Variants in FSTL5 observed in about 807,000 individuals in gnomAD.
The protein encoded by FSTL5 is follistatin-related protein 5.
FSTL5 carries 62 observed loss-of-function variants against 89.1 expected under a neutral mutation model. The observed-to-expected ratio is 0.70, with a 90% confidence interval of 0.57 to 0.86. The LOEUF (loss-of-function observed/expected upper bound fraction) is 0.86, where lower values mean the gene tolerates loss of function less well. Among genes scored for constraint, FSTL5 ranks in the 40% least tolerant of loss-of-function variants. FSTL5 has a pLI of 0.00. For missense variants in FSTL5, 1,057 were observed against 1,001.6 expected (o/e 1.06, Z -0.75); for synonymous variants, 383 against 346.2 (o/e 1.11, Z -1.18).
In FSTL5 at chr4:161,568,133, A is replaced by T. The variant is rs1052618546; in HGVS notation, c.1015+19322T>A. Among the ~76,000 whole-genome samples, 9 of 151,824 alleles carry T rather than the reference A, an allele frequency of 5.9e-5. No individual in the cohort carries two copies. The South Asian group carries it at 1.2e-3, about 21-fold the overall frequency. On this transcript the variant is annotated intron_variant, in intron 8 of 15. Transcript: ENST00000306100. The stretch of plus-strand genomic sequence containing the variant: ...GCAAATTTTGGAGTCCATATTTGCC[A>T]TATATCTCAACCACCTTCTCTAGGC...
rs145123722 is a variant in FSTL5, at chr4:161,574,604, C to A, written c.1015+12851G>T. Among the ~76,000 whole-genome samples the A allele has an allele frequency of 7.1e-3, 1,075 of 152,180 alleles. 5 individuals are homozygous for A. The highest frequency in any genetic ancestry group is 0.012 in the Non-Finnish European group (792 of 68,010). On this transcript the variant is annotated intron_variant, in intron 8 of 15. Transcript: ENST00000306100. ...TTCAACTCCCACTTATGAGTGAGAA[C>A]ATACGGTGTTTGGTTTTCTATTCCT...
intron 4 of FSTL5, among the ~76,000 whole-genome samples, chr4:161,900,655 AAAAGAAAGAAAG>A (rs1200601794): frequency 9.0e-6 from 1 of 110,972 alleles, no homozygotes; most frequent in African/African-American, 3.1e-5. Flanking sequence ...AAAAAAAAAA[AAAAGAAAGAAAG>A]AAAGAAAGAA....
chr4:161,589,272 C>T (rs1031484312), intron 7 of FSTL5, among the ~76,000 whole-genome samples: 35 of 152,104 alleles, frequency 2.3e-4, no homozygotes, highest in African/African-American at 8.4e-4. Flanking sequence ...TTCCTGGGTT[C>T]CAGTGATTCT....
intron 3 of FSTL5, among the ~76,000 whole-genome samples, chr4:161,940,262 A>T (rs951816760): frequency 6.6e-6 from 1 of 151,918 alleles, no homozygotes; most frequent in African/African-American, 2.4e-5. Context: ...ATTTAAAAAA[A>T]TTGACAAAAA....
chr4:162,031,667 G>GT (rs1191522569), intron 3 of FSTL5, among the ~76,000 whole-genome samples: 1 of 152,148 alleles, frequency 6.6e-6, no homozygotes, highest in Non-Finnish European at 1.5e-5. Flanking sequence ...GCCGGGCGCG[G>GT]TGGCTCAAGC....
chr4:161,649,201 A>G (rs2126676217), intron 7 of FSTL5, among the ~76,000 whole-genome samples: 1 of 152,328 alleles, frequency 6.6e-6, no homozygotes, highest in South Asian at 2.1e-4. Context: ...GAGAAAGATA[A>G]TTCAAGATCT....
At position 161,763,029 on chromosome 4, in the gene FSTL5, C is replaced by T. The variant is rs1243029367; in HGVS notation, c.607-3498G>A. Among the ~76,000 whole-genome samples the T allele has an allele frequency of 2.6e-5, 4 of 152,294 alleles. No homozygotes were observed. The South Asian group carries it at 8.3e-4, about 32-fold the overall frequency. On this transcript the variant is annotated intron_variant, in intron 5 of 15. Coordinates refer to ENST00000306100, the MANE Select transcript of FSTL5 (RefSeq NM_020116.5). ...TCAGGAATGACTCACTGTCTTGGTA[C>T]TGTATTCTCTTTTGTTCCAAAACAA...
intron 11 of FSTL5, among the ~76,000 whole-genome samples, chr4:161,501,470 T>G (rs1056028296): frequency 4.6e-5 from 7 of 152,056 alleles, no homozygotes; most frequent in African/African-American, 7.2e-5. Context: ...ACTAAACTAT[T>G]ACTTTATTCA....
chr4:161,589,390 C>A (rs1002205515), intron 7 of FSTL5, among the ~76,000 whole-genome samples: 2 of 152,064 alleles, frequency 1.3e-5, no homozygotes, highest in African/African-American at 4.8e-5. Context: ...ACCATGTTCG[C>A]CAGGCTGGTC....
intron 4 of FSTL5, among the ~76,000 whole-genome samples, chr4:161,917,538 T>C (rs185252398): frequency 2.0e-4 from 31 of 152,302 alleles, no homozygotes; most frequent in Admixed American, 1.6e-3. Context: ...TTGACTTTAA[T>C]ACTATCCCTG....
At chr4:161,847,795 G>C (rs1731415852) in intron 4 of FSTL5, among the ~76,000 whole-genome samples, 1 of 151,910 alleles carries the variant, frequency 6.6e-6, no homozygotes, top group African/African-American at 2.4e-5. Context: ...CGAGGACTTT[G>C]GGAGGCCAGG....
chr4:161,778,488 C>T (rs1434625), intron 4 of FSTL5, among the ~76,000 whole-genome samples: 111,580 of 152,058 alleles, frequency 0.73, 40,998 homozygotes, highest in Non-Finnish European at 0.76. Flanking sequence ...AAAACAATAT[C>T]TGAATCTCAT....
intron 6 of FSTL5, among the ~76,000 whole-genome samples, chr4:161,667,912 A>T (rs1460240368): frequency 1.3e-5 from 2 of 152,102 alleles, no homozygotes; most frequent in Non-Finnish European, 2.9e-5. Flanking sequence ...CATTGAATAC[A>T]TATATTAACA....
chr4:161,688,365 G>A lies in FSTL5; in HGVS notation c.728-31871C>T, dbSNP rs1737813046. On this transcript the variant is annotated intron_variant, in intron 6 of 15. Transcript: ENST00000306100. ...TTCAAAGTGCTGGTATTACAGGCATGAGCCACCTTGCCTCCTGGCCCAGTC... is the reference window on the plus strand; with the variant it reads ...TTCAAAGTGCTGGTATTACAGGCATAAGCCACCTTGCCTCCTGGCCCAGTC... 2.6e-5 allele frequency among the ~76,000 whole-genome samples: 4 copies of A among 152,146 alleles called. No individual in the cohort carries two copies. In the South Asian group the frequency reaches 8.3e-4, roughly 31 times the overall value.
At chr4:161,841,469 A>T (rs1342983561) in intron 4 of FSTL5, among the ~76,000 whole-genome samples, 1 of 152,154 alleles carries the variant, frequency 6.6e-6, no homozygotes, top group Admixed American at 6.6e-5. Flanking sequence ...AAGGCTCCTT[A>T]TATAATATTT....
At chr4:161,631,788 G>T (rs551387199) in intron 7 of FSTL5, among the ~76,000 whole-genome samples, 7 of 152,032 alleles carry the variant, frequency 4.6e-5, no homozygotes, top group Non-Finnish European at 1.0e-4. Flanking sequence ...AAATGAAAAG[G>T]TTTAAATTAC....
chr4:161,835,954 G>C (rs1031341082), intron 4 of FSTL5, among the ~76,000 whole-genome samples: 6 of 151,864 alleles, frequency 4.0e-5, no homozygotes, highest in African/African-American at 1.5e-4. Context: ...CCATTACTGG[G>C]TATATACCCA....
intron 11 of FSTL5, among the ~76,000 whole-genome samples, chr4:161,504,752 T>C (rs1437461031): frequency 1.3e-5 from 2 of 151,838 alleles, no homozygotes; most frequent in African/African-American, 4.8e-5. Context: ...GAGAAAAAAA[T>C]GGATATAATG....
At chr4:161,995,184 T>C (rs10017138) in intron 3 of FSTL5, among the ~76,000 whole-genome samples, 50,631 of 152,060 alleles carry the variant, frequency 0.33, 9,878 homozygotes, top group Non-Finnish European at 0.42. Context: ...GCTTATTTTG[T>C]AGTTAAAAAA....
Sources: gnomAD v4.1 joint callset for allele counts (sites outside exome capture counted in the v4.1 genomes callset) on GRCh38, gnomAD v4.1.1 for gene constraint, MANE v1.5 for transcripts, NCBI Gene and HGNC (gene_info 2026-07-23, HGNC 2026-07-21) for gene names.